Variants in PRRC2B observed in about 807,000 individuals in gnomAD.
The protein encoded by PRRC2B is protein PRRC2B.
In PRRC2B, 68 loss-of-function variants were observed where a neutral mutation model predicts 242.3. That is an observed-to-expected ratio of 0.28 (90% CI 0.23 to 0.34). The LOEUF (loss-of-function observed/expected upper bound fraction) is 0.34. Among genes scored for constraint, PRRC2B ranks in the 10% least tolerant of loss-of-function variants. The probability of loss-of-function intolerance (pLI) is 1.00; values close to 1 mark genes in which losing one functional copy is unlikely to be tolerated. For synonymous variants in PRRC2B, 1,228 were observed against 1,173.6 expected (o/e 1.05, Z -0.95); for missense variants, 2,835 against 2,954.8 (o/e 0.96, Z 0.94).
intron 1 of PRRC2B, among the ~76,000 whole-genome samples, chr9:131,395,469 T>G (rs978377736): frequency 7.9e-5 from 12 of 152,156 alleles, no homozygotes; most frequent in African/African-American, 2.4e-4. Flanking sequence ...AGATCCTGCT[T>G]CTTTCTTCCG....
chr9:131,393,938 G>GGCCGATCCCAAGGCC (rs1836958951), upstream of PRRC2B, among the ~76,000 whole-genome samples: 3 of 150,808 alleles, frequency 2.0e-5, no homozygotes, highest in South Asian at 6.3e-4. Flanking sequence ...CCGGCCCCCG[G>GGCCGATCCCAAGGCC]GCCGATCCCA....
At chr9:131,479,544 G>A (rs1026942360) in intron 19 of PRRC2B, among the ~76,000 whole-genome samples, 151 bp downstream of exon 19, 1 of 152,234 alleles carries the variant, frequency 6.6e-6, no homozygotes, top group Non-Finnish European at 1.5e-5. Flanking sequence ...TGAGCTAGTC[G>A]CTGAATGCCG....
chr9:131,440,642 A>G (rs1838535289), intron 5 of PRRC2B, among the ~76,000 whole-genome samples: 1 of 152,246 alleles, frequency 6.6e-6, no homozygotes, highest in Non-Finnish European at 1.5e-5. Flanking sequence ...CTGCAACATT[A>G]TAATAGCAAA....
upstream of PRRC2B, among the ~76,000 whole-genome samples, chr9:131,393,749 T>C (rs533152175): frequency 8.0e-6 from 1 of 124,742 alleles, no homozygotes; most frequent in African/African-American, 3.1e-5. Flanking sequence ...GCCGGGCCCA[T>C]GCCCTTCCCA....
chr9:131,491,563 C>T lies in PRRC2B; in HGVS notation c.6364C>T (p.Leu2122=). 1 of 1,611,454 alleles carries T rather than the reference C, an allele frequency of 6.2e-7. No individual in the cohort carries two copies. The highest frequency in any genetic ancestry group is 8.5e-7 in the Non-Finnish European group (1 of 1,179,058). Residue 2122 remains leucine, a synonymous_variant, in exon 29 of 32, where the codon CTG becomes TTG. Transcript: ENST00000683519. ...IPPPGSQPPV[L]NTSREPSQME... ...TCCGCCCGGGTCCCAGCCGCCAGTC[C>T]TGAACACCAGCAGAGAGGTAAGGGG...
At position 131,474,878 on chromosome 9, in the gene PRRC2B, G is replaced by C. The variant is rs1019502601; in HGVS notation, c.2749G>C (p.Glu917Gln). ...CAACAAACAGCCATCCTCGGAGCCT[G>C]AATGGACTCCCGAGCCCCGGAGCTC... ...SPNKQPSSEP[E>Q]WTPEPRSSSS... Residue 917 changes from glutamate (E) to glutamine (Q), a missense_variant, in exon 16 of 32, where the codon GAA becomes CAA. By Grantham distance (29) the Glu-to-Gln change is conservative (BLOSUM62 2). This residue lies in a region of PRRC2B where 1,536 missense variants were observed against 1,483.1 expected (regional missense o/e 1.04). Coordinates refer to ENST00000683519, the MANE Select transcript of PRRC2B (RefSeq NM_013318.4). 1 of 1,602,024 alleles carries C rather than the reference G, an allele frequency of 6.2e-7. No homozygotes were observed.
rs749051569 is a variant in PRRC2B at position 131,472,471 on chromosome 9, A to ATTT, written c.2108-1016_2108-1014dup. Among the ~76,000 whole-genome samples the ATTT allele has an allele frequency of 6.8e-3, 626 of 91,498 alleles. 24 individuals carry two copies. The highest frequency in any genetic ancestry group is 0.023 in the African/African-American group (495 of 21,780). 60.0% of individuals were successfully genotyped at this position (91,498 alleles called of 152,430 possible). On this transcript the variant is annotated intron_variant, in intron 14 of 31. Transcript: ENST00000683519. ...AGGCGCCCACCACCACGCCCAGCTAATTTTTTTTTTTTTTTTTTTTTTTGA... is the reference window on the plus strand; with the variant it reads ...AGGCGCCCACCACCACGCCCAGCTAATTTTTTTTTTTTTTTTTTTTTTTTTTGA...
Position 131,488,068 on chromosome 9 carries a change from C to A in PRRC2B, c.6197C>A (p.Ser2066Tyr). The change falls in exon 28 of 32, where the codon TCC (serine) becomes TAC (tyrosine). Residue 2066 changes from serine (S) to tyrosine (Y), a missense_variant. Ser to Tyr is a moderately radical substitution (Grantham distance 144). This residue lies in a region of PRRC2B where 574 missense variants were observed against 626.0 expected (regional missense o/e 0.92). Transcript: ENST00000683519. ...QLSQAAGLGA[S>Y]QMLDSQLPQL... ...AGCCAGGCTGCTGGCCTGGGTGCCT[C>A]CCAGATGTTGGACTCCCAGCTCCCA... 5 of 1,613,206 alleles carry A rather than the reference C, an allele frequency of 3.1e-6. No individual in the cohort carries two copies. Among genetic ancestry groups the A allele is most frequent in the Non-Finnish European group, 4.2e-6 (5 of 1,179,410 alleles).
intron 31 of PRRC2B, 103 bp from the exon 32 acceptor site, chr9:131,495,637 C>A: frequency 7.4e-7 from 1 of 1,354,086 alleles, no homozygotes; most frequent in Non-Finnish European, 1.0e-6. Flanking sequence ...CTTAGGGGAG[C>A]TTTCCCTGCA....
chr9:131,491,341 A>T (rs1588284422), intron 28 of PRRC2B, 84 bp from the exon 29 acceptor site: 1 of 1,309,134 alleles, frequency 7.6e-7, no homozygotes, highest in South Asian at 1.6e-5. Context: ...ATGAATCTGA[A>T]GTGCATGTGC....
In PRRC2B at chr9:131,466,769, G is replaced by A. The variant is rs776675951; in HGVS notation, c.1721-794G>A. Among the ~76,000 whole-genome samples, 114 of 151,806 alleles carry A rather than the reference G, an allele frequency of 7.5e-4. 2 individuals are homozygous for A. Among genetic ancestry groups the A allele is most frequent in the Admixed American group, 9.2e-4 (14 of 15,252 alleles). On this transcript the variant is annotated intron_variant, in intron 12 of 31. Coordinates refer to ENST00000683519, the MANE Select transcript of PRRC2B (RefSeq NM_013318.4). ...CATATAGCTGGGATTACAGGCGAGC[G>A]CCACCATGCCTGGCTAATTTTTGTA...
Position 131,481,708 on chromosome 9 carries a change from G to T in PRRC2B, c.4901-18G>T. The stretch of plus-strand genomic sequence containing the variant: ...GGTTGCTCTTTGATGCCCTGACTCT[G>T]TCTTCCTCCCCTGGCAGCTCTCCCT... On this transcript the variant is annotated intron_variant, in intron 19 of 31. Transcript: ENST00000683519. 1 of 1,552,926 alleles carries T rather than the reference G, an allele frequency of 6.4e-7. No homozygotes were observed. The highest frequency in any genetic ancestry group is 8.7e-7 in the Non-Finnish European group (1 of 1,147,484).
intron 9 of PRRC2B, among the ~76,000 whole-genome samples, chr9:131,448,494 A>G (rs911813357): frequency 7.0e-6 from 1 of 142,232 alleles, no homozygotes; most frequent in Non-Finnish European, 1.5e-5. Context: ...CAGTGAGCCA[A>G]GATCGCACCA....
chr9:131,488,871 C>T (rs1012732530), intron 28 of PRRC2B, among the ~76,000 whole-genome samples: 1 of 152,206 alleles, frequency 6.6e-6, no homozygotes, highest in Non-Finnish European at 1.5e-5. Context: ...CAGTATTTGG[C>T]ACCTTTGAAG....
At position 131,464,801 on chromosome 9, in the gene PRRC2B, CGAGGACAAG is replaced by C; in HGVS notation, c.1453_1461del (p.Glu485_Lys487del). ...GCAGCATGTTCCGGCAACAGTCCAT[CGAGGACAAG>C]GAGGACAAGCCCCCACCAAGGCAGA... On this transcript the variant is annotated inframe_deletion, in exon 12 of 32. Transcript: ENST00000683519. 2 of 1,609,398 alleles carry C rather than the reference CGAGGACAAG, an allele frequency of 1.2e-6. No homozygotes were observed. Among genetic ancestry groups the C allele is most frequent in the Non-Finnish European group, 1.7e-6 (2 of 1,176,740 alleles).
intron 23 of PRRC2B, among the ~76,000 whole-genome samples, chr9:131,484,134 G>T (rs1200578126): frequency 6.6e-6 from 1 of 152,234 alleles, no homozygotes; most frequent in Non-Finnish European, 1.5e-5. Flanking sequence ...GTCACATGCA[G>T]ATGGACACCG....
intron 30 of PRRC2B, among the ~76,000 whole-genome samples, chr9:131,493,275 C>T (rs1414268838): frequency 1.3e-5 from 2 of 152,210 alleles, no homozygotes; most frequent in African/African-American, 4.8e-5. Flanking sequence ...TTTCACTCTC[C>T]TGGCTTCATT....
intron 6 of PRRC2B, among the ~76,000 whole-genome samples, chr9:131,445,455 A>C (rs1838768620): frequency 6.6e-6 from 1 of 152,208 alleles, no homozygotes; most frequent in Non-Finnish European, 1.5e-5. Context: ...CACCGCGCCC[A>C]GCCTGTTTGC....
At chr9:131,382,455 A>G (rs746065) in intron 1 of PRRC2B, among the ~76,000 whole-genome samples, 108,535 of 151,910 alleles carry the variant, frequency 0.71, 38,934 homozygotes, top group South Asian at 0.87. Flanking sequence ...TGAAGAGAGG[A>G]TGCCAGGAGT....
Sources: gnomAD v4.1 joint callset for allele counts (sites outside exome capture counted in the v4.1 genomes callset) on GRCh38, gnomAD v4.1.1 for gene constraint, gnomAD v4.1.1 regional missense constraint, MANE v1.5 for transcripts, NCBI Gene and HGNC (gene_info 2026-07-23, HGNC 2026-07-21) for gene names.